GABPB1: variants seen among roughly 807,000 people sequenced by gnomAD.
GABPB1 encodes GA-binding protein subunit beta-1.
GABPB1 carries 15 observed loss-of-function variants against 45.9 expected under a neutral mutation model. The observed-to-expected ratio is 0.33, with a 90% CI of 0.22 to 0.50. GABPB1 has a LOEUF of 0.50. GABPB1 is among the 20% of genes least tolerant of loss of function. The probability of loss-of-function intolerance (pLI) is 0.98; values close to 1 mark genes in which losing one functional copy is unlikely to be tolerated. For synonymous variants in GABPB1, 143 were observed against 154.4 expected (o/e 0.93, Z 0.55); for missense variants, 252 against 457.5 (o/e 0.55, Z 4.10).
chr15:50,329,304 T>A (rs1282653211), intron 1 of GABPB1, among the ~76,000 whole-genome samples: 4 of 152,234 alleles, frequency 2.6e-5, no homozygotes, highest in Admixed American at 2.6e-4. Context: ...AATTAAGAAA[T>A]GTATATTATA....
At chr15:50,342,759 T>C (rs1477578396) in intron 1 of GABPB1, among the ~76,000 whole-genome samples, 2 of 152,350 alleles carry the variant, frequency 1.3e-5, no homozygotes, top group Admixed American at 1.3e-4. Context: ...CCATGTAAGA[T>C]ATATTTTTTA....
intron 1 of GABPB1, chr15:50,352,165 T>C (rs1039503551): frequency 1.3e-5 from 2 of 152,114 alleles, no homozygotes; most frequent in Non-Finnish European, 2.9e-5. Context: ...AAACTTCATG[T>C]AATTTCTGAA....
chr15:50,300,313 G>A (rs1387386693), intron 6 of GABPB1, among the ~76,000 whole-genome samples: 1 of 151,940 alleles, frequency 6.6e-6, no homozygotes, highest in Non-Finnish European at 1.5e-5. Context: ...AGCTAGAGTT[G>A]AGTCACAGAT....
chr15:50,300,170 A>C (rs1287531789), intron 6 of GABPB1, among the ~76,000 whole-genome samples: 2 of 152,122 alleles, frequency 1.3e-5, no homozygotes, highest in African/African-American at 4.8e-5. Context: ...AGAGACAGGG[A>C]CATTTTTTTC....
At chr15:50,298,389 G>A (rs1230488225) in intron 6 of GABPB1, among the ~76,000 whole-genome samples, 1 of 152,052 alleles carries the variant, frequency 6.6e-6, no homozygotes, top group Non-Finnish European at 1.5e-5. Context: ...CCCGGCCAGA[G>A]GTAAGTTATT....
chr15:50,307,471 A>C (rs2046987084), intron 2 of GABPB1, among the ~76,000 whole-genome samples: 1 of 152,110 alleles, frequency 6.6e-6, no homozygotes, highest in Non-Finnish European at 1.5e-5. Context: ...TGGGAGGCCG[A>C]GGCGGGCTGA....
rs776423046 is a variant in GABPB1, at chr15:50,301,329, G to T, written c.511C>A (p.Pro171Thr). ...GCAGCATGTATTGTCACAGTGTCAG[G>T]ACTCTCTGGGTTTGTGTTGATTTGG... ...QNQINTNPES[P>T]DTVTIHAATP... Residue 171 changes from proline to threonine, a missense_variant, in exon 5 of 9, where the codon CCT (proline) becomes ACT (threonine). This residue lies in a region of GABPB1 where 193 missense variants were observed against 259.9 expected (regional missense o/e 0.74). Transcript: ENST00000380877. 6.2e-7 allele frequency: 1 copy of T among 1,613,912 alleles called. No individual in the cohort carries two copies. The highest frequency in any genetic ancestry group is 1.1e-5 in the South Asian group (1 of 91,022).
intron 1 of GABPB1, among the ~76,000 whole-genome samples, chr15:50,323,037 AATC>A (rs1295804940): frequency 6.6e-6 from 1 of 152,084 alleles, no homozygotes; most frequent in Non-Finnish European, 1.5e-5. Flanking sequence ...CTCCAAAAAT[AATC>A]ATAATATTTT....
chr15:50,312,446 C>CTAA (rs1441326694), intron 1 of GABPB1, among the ~76,000 whole-genome samples: 2 of 152,190 alleles, frequency 1.3e-5, no homozygotes, highest in East Asian at 3.9e-4. Context: ...CTTAAAGACG[C>CTAA]TAAGATCTAT....
intron 1 of GABPB1, among the ~76,000 whole-genome samples, chr15:50,340,434 G>A (rs2048309502): frequency 6.6e-6 from 1 of 151,152 alleles, no homozygotes; most frequent in Non-Finnish European, 1.5e-5. Context: ...AATCCTCAAT[G>A]GAAGTATTTA....
intron 1 of GABPB1, among the ~76,000 whole-genome samples, chr15:50,310,913 GT>G (rs2047110267): frequency 1.3e-5 from 2 of 151,234 alleles, no homozygotes; most frequent in South Asian, 4.2e-4. Context: ...GGAGGCGGAG[GT>G]TGCAGTGAGC....
intron 1 of GABPB1, among the ~76,000 whole-genome samples, chr15:50,323,495 C>T (rs2047646432): frequency 6.6e-6 from 1 of 152,152 alleles, no homozygotes; most frequent in Non-Finnish European, 1.5e-5. Context: ...AGGGAGAGGT[C>T]ACTCAGCCTT....
At chr15:50,282,384 CA>C in intron 8 of GABPB1, 1 of 421,420 alleles carries the variant, frequency 2.4e-6, no homozygotes. Context: ...CATAGCAAGA[CA>C]CCCTCTCTAT....
At chr15:50,279,464 C>T (rs1595721043) in intron 8 of GABPB1, among the ~76,000 whole-genome samples, 2 of 122,008 alleles carry the variant, frequency 1.6e-5, no homozygotes, top group South Asian at 5.2e-4. Context: ...CAATAAAATA[C>T]TAAATTATCA....
At chr15:50,321,066 C>T (rs867890544) in intron 1 of GABPB1, among the ~76,000 whole-genome samples, 2 of 152,144 alleles carry the variant, frequency 1.3e-5, no homozygotes, top group Middle Eastern at 3.4e-3. Flanking sequence ...AATTATTACA[C>T]GATAGGAATA....
In GABPB1 at chr15:50,299,762, A is replaced by C. The variant is rs977821969; in HGVS notation, c.697+1027T>G. On this transcript the variant is annotated intron_variant, in intron 6 of 8. Transcript: ENST00000380877. ...TAGTTCTATCAGTCATTAAGATTTT[A>C]TAACACTCTAGTAGAGCTGCTAAAA... Among the ~76,000 whole-genome samples, 6 of 152,128 alleles carry C rather than the reference A, an allele frequency of 3.9e-5. No homozygotes were observed. In the South Asian group the frequency reaches 1.0e-3, roughly 26 times the overall value.
intron 6 of GABPB1, among the ~76,000 whole-genome samples, chr15:50,299,923 C>T (rs1237725243): frequency 6.6e-6 from 1 of 151,842 alleles, no homozygotes; most frequent in Non-Finnish European, 1.5e-5. Flanking sequence ...TTCAAGCGAT[C>T]CTCTGACCTC....
rs184858087 is a variant in GABPB1, at chr15:50,300,971, A to G, written c.584-69T>C. ...ATCCAATGCATATTTCTGATATTCT[A>G]TTTATCTTACTGACTCTTAAACAAA... On this transcript the variant is annotated intron_variant, in intron 5 of 8. Coordinates refer to ENST00000380877, the MANE Select transcript of GABPB1 (RefSeq NM_016654.5). 26 of 1,004,318 alleles carry G rather than the reference A, an allele frequency of 2.6e-5. No homozygotes were observed. The Admixed American group carries it at 4.1e-4, about 16-fold the overall frequency. 62.2% of individuals were successfully genotyped at this position (1,004,318 alleles called of 1,614,324 possible). A position where few individuals can be genotyped will look rare whatever the true frequency, so the allele number is the denominator to read the frequency against.
In GABPB1 at chr15:50,304,139, C is replaced by CA; in HGVS notation, c.109-7_109-6insT. 6.4e-7 allele frequency: 1 copy of CA among 1,557,462 alleles called. No homozygotes were observed. Among genetic ancestry groups the CA allele is most frequent in the Admixed American group, 2.1e-5 (1 of 46,974 alleles). On this transcript the variant is annotated splice_region_variant and splice_polypyrimidine_tract_variant and intron_variant, in intron 2 of 8. Coordinates refer to ENST00000380877, the MANE Select transcript of GABPB1 (RefSeq NM_016654.5). The stretch of plus-strand genomic sequence containing the variant: ...TGAAGTGGAGAAGTTCCCAGCTGTA[C>CA]CACAGAAAAAAAAAAAAATCCACAT...
Sources: allele counts gnomAD v4.1 joint callset (sites outside exome capture counted in the v4.1 genomes callset), GRCh38; gene constraint gnomAD v4.1.1; regional missense constraint gnomAD v4.1.1; transcripts MANE v1.5; gene names NCBI Gene and HGNC (gene_info 2026-07-23, HGNC 2026-07-21).